PRKCA: variants seen among roughly 807,000 people sequenced by gnomAD.
PRKCA encodes protein kinase C alpha type.
Under a neutral mutation model 87.0 loss-of-function variants are expected in PRKCA, and 27 were observed. The ratio of observed to expected loss-of-function variants is 0.31; its 90% CI spans 0.23 to 0.43. The LOEUF is 0.43. Ranked by LOEUF, PRKCA falls within the 20% of genes least tolerant of loss-of-function variation. PRKCA has a pLI of 1.00. For missense variants in PRKCA, 518 were observed against 852.3 expected, an observed-to-expected ratio of 0.61 and a Z score of 4.88; for synonymous variants, 329 against 311.1, an observed-to-expected ratio of 1.06 and a Z score of -0.61.
At chr17:66,714,475 G>A (rs1973423600) in intron 8 of PRKCA, among the ~76,000 whole-genome samples, 1 of 152,166 alleles carries the variant, frequency 6.6e-6, no homozygotes, top group Non-Finnish European at 1.5e-5. Context: ...AGTCCCCTGA[G>A]GGCAGCTGGG....
At chr17:66,644,854 G>A (rs1971410192) in intron 4 of PRKCA, among the ~76,000 whole-genome samples, 1 of 152,128 alleles carries the variant, frequency 6.6e-6, no homozygotes, top group Non-Finnish European at 1.5e-5. Flanking sequence ...GCTGGGTGCA[G>A]TGGTTCACAT....
intron 2 of PRKCA, among the ~76,000 whole-genome samples, chr17:66,366,389 A>G (rs1908726927): frequency 1.3e-5 from 2 of 152,130 alleles, no homozygotes; most frequent in Admixed American, 6.5e-5. Flanking sequence ...AGGCTTTTTC[A>G]TAGGGATATG....
intron 13 of PRKCA, among the ~76,000 whole-genome samples, chr17:66,760,018 C>A (rs962375269): frequency 6.6e-6 from 1 of 152,156 alleles, no homozygotes; most frequent in African/African-American, 2.4e-5. Flanking sequence ...TAGACATATC[C>A]CGCAAGGAGA....
chr17:66,369,780 C>G (rs1908986211), intron 2 of PRKCA, among the ~76,000 whole-genome samples: 1 of 152,176 alleles, frequency 6.6e-6, no homozygotes, highest in Non-Finnish European at 1.5e-5. Flanking sequence ...TGGCTGCATT[C>G]CTGTCCCAGG....
chr17:66,421,428 GTT>G (rs55825622), intron 2 of PRKCA, among the ~76,000 whole-genome samples: 66,905 of 116,536 alleles, frequency 0.57, 20,054 homozygotes, highest in Middle Eastern at 0.73. Context: ...CACAGCCTCT[GTT>G]TTTTTTTTTT....
chr17:66,589,422 T>G (rs966520232), intron 3 of PRKCA, among the ~76,000 whole-genome samples: 1 of 152,232 alleles, frequency 6.6e-6, no homozygotes, highest in African/African-American at 2.4e-5. Context: ...ATGCATACAC[T>G]CCTACAGTGG....
At chr17:66,350,559 C>A (rs947244240) in intron 2 of PRKCA, among the ~76,000 whole-genome samples, 4 of 152,142 alleles carry the variant, frequency 2.6e-5, no homozygotes, top group Non-Finnish European at 4.4e-5. Context: ...ATCTTACTCT[C>A]TCACCCAGGC....
At chr17:66,766,203 A>T (rs28503613) in intron 13 of PRKCA, among the ~76,000 whole-genome samples, 4 of 152,218 alleles carry the variant, frequency 2.6e-5, no homozygotes, top group Admixed American at 2.6e-4. Context: ...AGAGCGTGTT[A>T]TCAGAAGGAG....
chr17:66,643,360 A>AAG (rs1971360730), intron 4 of PRKCA, among the ~76,000 whole-genome samples: 1 of 152,156 alleles, frequency 6.6e-6, no homozygotes. Context: ...ACTTTAACAT[A>AAG]ATGCAAAAAT....
intron 3 of PRKCA, among the ~76,000 whole-genome samples, chr17:66,574,331 C>T (rs778227245): frequency 6.6e-6 from 1 of 152,184 alleles, no homozygotes; most frequent in African/African-American, 2.4e-5. Context: ...TGGCTGTCTG[C>T]CAGCTCCGAG....
chr17:66,523,145 C>G (rs1038228683), intron 3 of PRKCA, among the ~76,000 whole-genome samples: 3 of 152,130 alleles, frequency 2.0e-5, no homozygotes, highest in Non-Finnish European at 4.4e-5. Flanking sequence ...TCTGGTCACA[C>G]TGTCATTCTG....
At chr17:66,408,741 T>C (rs995249607) in intron 2 of PRKCA, among the ~76,000 whole-genome samples, 1 of 152,048 alleles carries the variant, frequency 6.6e-6, no homozygotes, top group Non-Finnish European at 1.5e-5. Flanking sequence ...GTGTGGGAAG[T>C]ATAGCACTTT....
chr17:66,651,283 T>C lies in PRKCA; in HGVS notation c.529+5772T>C, dbSNP rs142896419. Among the ~76,000 whole-genome samples, 49 of 152,330 alleles carry C rather than the reference T, an allele frequency of 3.2e-4. 2 individuals are homozygous for C. The East Asian group carries it at 8.9e-3, about 28-fold the overall frequency. ...AGAGCTGCAATCATCAGTTTACCAG[T>C]TGCACAATCCTTAGGAGCCATGCGC... On this transcript the variant is annotated intron_variant, in intron 5 of 16. Transcript: ENST00000413366.
intron 8 of PRKCA, among the ~76,000 whole-genome samples, chr17:66,712,774 G>T (rs1973364625): frequency 6.6e-6 from 1 of 152,164 alleles, no homozygotes; most frequent in Admixed American, 6.5e-5. Flanking sequence ...GAGCCATGCA[G>T]CTCATCTCTC....
At chr17:66,358,544 C>G (rs1908202064) in intron 2 of PRKCA, among the ~76,000 whole-genome samples, 1 of 150,262 alleles carries the variant, frequency 6.7e-6, no homozygotes, top group Non-Finnish European at 1.5e-5. Flanking sequence ...CTAAGGCTAA[C>G]ATGATATTGA....
chr17:66,553,873 G>T (rs940045645), intron 3 of PRKCA, among the ~76,000 whole-genome samples: 20 of 152,224 alleles, frequency 1.3e-4, no homozygotes, highest in African/African-American at 4.1e-4. Context: ...TTCAGGAGAT[G>T]AAGTGTGTGG....
At chr17:66,679,996 A>G (rs1212945198) in intron 5 of PRKCA, among the ~76,000 whole-genome samples, 1 of 152,192 alleles carries the variant, frequency 6.6e-6, no homozygotes, top group Non-Finnish European at 1.5e-5. Context: ...GATATCTAAT[A>G]ATTATCAAAA....
chr17:66,808,041 G>C lies in PRKCA; in HGVS notation c.*4004G>C, dbSNP rs1976072859. On this transcript the variant is annotated 3_prime_UTR_variant, in exon 17 of 17. Transcript: ENST00000413366. ...CCTCCTCAGAAAACACCCCCCAAAT[G>C]CTAACAACATCCCCACCAGCTGCTA... is the stretch of plus-strand genomic sequence containing the variant. 1 of 152,104 alleles carries C rather than the reference G, an allele frequency of 6.6e-6. No individual in the cohort carries two copies. The highest frequency in any genetic ancestry group is 2.4e-5 in the African/African-American group (1 of 41,368). 9.4% of individuals were successfully genotyped at this position (152,104 alleles called of 1,614,324 possible).
intron 3 of PRKCA, among the ~76,000 whole-genome samples, chr17:66,559,479 CAAAAAAAAAA>C (rs34998780): frequency 5.1e-3 from 187 of 36,720 alleles, no homozygotes; most frequent in Middle Eastern, 0.017. Flanking sequence ...TCTGTCTCAC[CAAAAAAAAAA>C]AAAAAAAAAA....
Sources: allele counts gnomAD v4.1 joint callset (sites outside exome capture counted in the v4.1 genomes callset), GRCh38; gene constraint gnomAD v4.1.1; transcripts MANE v1.5; gene names NCBI Gene and HGNC (gene_info 2026-07-23, HGNC 2026-07-21).